CNTN4: variants seen among roughly 807,000 people sequenced by gnomAD.
The protein encoded by CNTN4 is contactin 4, also known as contactin-4.
Under a neutral mutation model 122.5 loss-of-function variants are expected in CNTN4, and 77 were observed. The ratio of observed to expected loss-of-function variants is 0.63; its 90% CI spans 0.52 to 0.76. CNTN4 has a LOEUF of 0.76. CNTN4 is among the 30% of genes least tolerant of loss of function. CNTN4 has a pLI of 0.00. For missense variants in CNTN4, 1,256 were observed against 1,259.1 expected, an observed-to-expected ratio of 1.00 and a Z score of 0.04; for synonymous variants, 512 against 447.0, an observed-to-expected ratio of 1.15 and a Z score of -1.83.
At chr3:2,785,933 G>C (rs1047117761) in intron 6 of CNTN4, among the ~76,000 whole-genome samples, 1 of 96,456 alleles carries the variant, frequency 1.0e-5, no homozygotes, top group East Asian at 3.2e-4. Flanking sequence ...CATAAAAACC[G>C]CAGACCCCAC....
chr3:2,518,967 T>C (rs911305065), intron 3 of CNTN4, among the ~76,000 whole-genome samples: 8 of 152,156 alleles, frequency 5.3e-5, no homozygotes, highest in African/African-American at 1.9e-4. Flanking sequence ...GAGGCAATTG[T>C]AGGAAAATAA....
At chr3:2,694,028 T>TA (rs2149210611) in intron 4 of CNTN4, among the ~76,000 whole-genome samples, 1 of 152,300 alleles carries the variant, frequency 6.6e-6, no homozygotes, top group East Asian at 1.9e-4. Flanking sequence ...CCCGTTTACT[T>TA]ACATCTTATA....
chr3:2,993,299 A>ATTTTTTTTT lies in CNTN4; in HGVS notation c.1486+4834_1486+4842dup, dbSNP rs576176618. 1.4e-5 allele frequency among the ~76,000 whole-genome samples: 2 copies of ATTTTTTTTT among 143,892 alleles called. 1 individual carries two copies. The allele number at this position is 143,892 out of a possible 152,430, so 94.4% of individuals were successfully genotyped here. The stretch of plus-strand genomic sequence containing the variant: ...GAGTAATTATGACAGAGACTGTGTA[A>ATTTTTTTTT]TTTTTTTTTTTTTTTGAGATGGAGT... On this transcript the variant is annotated intron_variant, in intron 14 of 24. Transcript: ENST00000418658.
At chr3:2,361,808 C>T (rs1040506435) in intron 3 of CNTN4, among the ~76,000 whole-genome samples, 7 of 152,130 alleles carry the variant, frequency 4.6e-5, no homozygotes, top group Non-Finnish European at 8.8e-5. Context: ...TATTGATAGG[C>T]CCTGCGAATC....
chr3:2,151,567 C>T (rs1290212513), intron 2 of CNTN4, among the ~76,000 whole-genome samples: 1 of 151,998 alleles, frequency 6.6e-6, no homozygotes, highest in East Asian at 1.9e-4. Flanking sequence ...TAGTTGTCCT[C>T]TCCAAAACTC....
At chr3:2,521,725 T>A (rs922055876) in intron 3 of CNTN4, among the ~76,000 whole-genome samples, 1 of 152,124 alleles carries the variant, frequency 6.6e-6, no homozygotes. Flanking sequence ...CCCAAGTCTA[T>A]TGACTTTTCT....
intron 3 of CNTN4, among the ~76,000 whole-genome samples, chr3:2,452,597 TAA>T (rs1056042989): frequency 3.9e-5 from 6 of 152,176 alleles, no homozygotes; most frequent in African/African-American, 1.4e-4. Flanking sequence ...TCCTGAAACT[TAA>T]ATGCATCCAT....
chr3:2,135,504 T>C (rs1487493959), intron 2 of CNTN4, among the ~76,000 whole-genome samples: 1 of 152,142 alleles, frequency 6.6e-6, no homozygotes, highest in African/African-American at 2.4e-5. Flanking sequence ...AATTTGATGG[T>C]AAATTTGTAG....
chr3:2,850,901 T>A (rs1438184121), intron 7 of CNTN4, among the ~76,000 whole-genome samples: 1 of 152,192 alleles, frequency 6.6e-6, no homozygotes, highest in Non-Finnish European at 1.5e-5. Flanking sequence ...TGTGTTGGAA[T>A]AATCATTAAT....
rs192014422 is a variant in CNTN4, at chr3:2,746,071, C to T, written c.358+374C>T. Among the ~76,000 whole-genome samples the T allele has an allele frequency of 3.3e-5, 5 of 151,826 alleles. No individual in the cohort carries two copies. The South Asian group carries it at 1.0e-3, about 32-fold the overall frequency. On this transcript the variant is annotated intron_variant, in intron 6 of 24. Transcript: ENST00000418658. ...TTTAAATAGAATGTGTATAAGCAAG[C>T]AATTGAACAAATTTTACACACACAC...
At chr3:2,809,313 C>G (rs559415222) in intron 6 of CNTN4, among the ~76,000 whole-genome samples, 9 of 152,168 alleles carry the variant, frequency 5.9e-5, no homozygotes, top group African/African-American at 2.2e-4. Flanking sequence ...CATGATAAGC[C>G]AAAGAATGGG....
chr3:2,695,711 C>G (rs1383927301), intron 4 of CNTN4, among the ~76,000 whole-genome samples: 2 of 152,112 alleles, frequency 1.3e-5, no homozygotes, highest in Non-Finnish European at 2.9e-5. Flanking sequence ...CAGATCATTT[C>G]AATATGATGC....
In CNTN4 at chr3:2,840,630, C is replaced by A. The variant is rs1315098052; in HGVS notation, c.454+21049C>A. 2.1e-4 allele frequency among the ~76,000 whole-genome samples: 28 copies of A among 134,242 alleles called. 2 individuals carry two copies. Among genetic ancestry groups the A allele is most frequent in the Non-Finnish European group, 3.6e-4 (22 of 61,798 alleles). The allele number at this position is 134,242 out of a possible 152,430, so 88.1% of individuals were successfully genotyped here. The stretch of plus-strand genomic sequence containing the variant: ...GGGAGAATGGCGGGAACCCGGGAGG[C>A]GGAGCTTGCAGTGAGCCAAGATCAC... On this transcript the variant is annotated intron_variant, in intron 7 of 24. Coordinates refer to ENST00000418658, the MANE Select transcript of CNTN4 (RefSeq NM_175607.3).
chr3:2,432,578 C>CTG (rs1008359857), intron 3 of CNTN4, among the ~76,000 whole-genome samples: 5 of 150,908 alleles, frequency 3.3e-5, no homozygotes, highest in South Asian at 2.1e-4. Context: ...GTATTCCACC[C>CTG]TGTGTGTGTG....
At chr3:2,945,077 C>T (rs533758122) in intron 13 of CNTN4, among the ~76,000 whole-genome samples, 26 of 152,166 alleles carry the variant, frequency 1.7e-4, no homozygotes, top group African/African-American at 6.0e-4. Flanking sequence ...ATTCAGTAAG[C>T]GACACAGCTT....
chr3:2,409,372 C>T (rs973396920), intron 3 of CNTN4, among the ~76,000 whole-genome samples: 3 of 151,616 alleles, frequency 2.0e-5, no homozygotes, highest in Admixed American at 6.6e-5. Context: ...CTCAGCCTCA[C>T]GAGTAGCTGG....
At chr3:2,729,125 A>T in intron 4 of CNTN4, among the ~76,000 whole-genome samples, 1 of 152,316 alleles carries the variant, frequency 6.6e-6, no homozygotes, top group South Asian at 2.1e-4. Flanking sequence ...ACAGATGGAA[A>T]TACTTCCAGC....
chr3:2,222,518 A>G (rs1685514), intron 2 of CNTN4, among the ~76,000 whole-genome samples: 89,442 of 151,876 alleles, frequency 0.59, 27,088 homozygotes, highest in African/African-American at 0.67. Context: ...CCATTGAATC[A>G]TATACTTTAT....
In CNTN4 at chr3:2,944,999, A is replaced by T. The variant is rs549191300; in HGVS notation, c.1358+19220A>T. ...CTTTAAATCCCTGGATCAGCCAGTC[A>T]TGGGCCTCAGATCATCACCTATAAG... On this transcript the variant is annotated intron_variant, in intron 13 of 24. Transcript: ENST00000418658. Among the ~76,000 whole-genome samples, 7 of 152,252 alleles carry T rather than the reference A, an allele frequency of 4.6e-5. No individual in the cohort carries two copies. In the South Asian group the frequency reaches 1.5e-3, roughly 32 times the overall value.
Sources: gnomAD v4.1 joint callset for allele counts (sites outside exome capture counted in the v4.1 genomes callset) on GRCh38, gnomAD v4.1.1 for gene constraint, MANE v1.5 for transcripts, NCBI Gene and HGNC (gene_info 2026-07-23, HGNC 2026-07-21) for gene names.